Variants in TOMM40 observed in about 807,000 individuals in gnomAD.
TOMM40 encodes mitochondrial import receptor subunit TOM40 homolog.
Under a neutral mutation model 38.4 loss-of-function variants are expected in TOMM40, and 9 were observed. That is an observed-to-expected ratio of 0.23 (90% CI 0.14 to 0.41). The LOEUF (loss-of-function observed/expected upper bound fraction) is 0.41. Among genes scored for constraint, TOMM40 ranks in the 10% least tolerant of loss-of-function variants. The pLI is 1.00. For synonymous variants in TOMM40, 184 were observed against 210.0 expected, an observed-to-expected ratio of 0.88 and a Z score of 1.07; for missense variants, 299 against 486.5, an observed-to-expected ratio of 0.61 and a Z score of 3.63.
At chr19:44,899,475 A>G (rs1054961312) in intron 5 of TOMM40, among the ~76,000 whole-genome samples, 1 of 152,094 alleles carries the variant, frequency 6.6e-6, no homozygotes, top group African/African-American at 2.4e-5. Flanking sequence ...CTGGGACTAC[A>G]GGTGTGCACC....
At chr19:44,900,689 C>T (rs1389446899) in intron 5 of TOMM40, 41 bp from the exon 6 acceptor site, 3 of 1,611,482 alleles carry the variant, frequency 1.9e-6, no homozygotes, top group Admixed American at 1.7e-5. Flanking sequence ...TCTAGCCTGG[C>T]ACTCAGGGTG....
rs142332544 is a variant in TOMM40 at position 44,892,433 on chromosome 19, C to T, written c.315C>T (p.Val105=). 1.2e-6 allele frequency: 2 copies of T among 1,613,154 alleles called. No homozygotes were observed. The highest frequency in any genetic ancestry group is 2.7e-5 in the African/African-American group (2 of 74,994). ...AGATGGAGGGTGTCAAGCTCACAGTCAACAAAGGGTTGAGTAACCATTTTC... is the reference window on the plus strand; with the variant it reads ...AGATGGAGGGTGTCAAGCTCACAGTTAACAAAGGGTTGAGTAACCATTTTC... The part of the protein sequence containing the change: ...PIQMEGVKLT[V]NKGLSNHFQV... The change falls in exon 2 of 9, where the codon GTC becomes GTT. Residue 105 remains valine, a synonymous_variant. Coordinates refer to ENST00000426677, the MANE Select transcript of TOMM40 (RefSeq NM_001128917.2).
At chr19:44,902,940 C>T (rs979898357) in intron 8 of TOMM40, 90 bp from the exon 9 acceptor site, 17 of 1,513,114 alleles carry the variant, frequency 1.1e-5, no homozygotes, top group South Asian at 3.9e-5. Context: ...TGGAAGCTGT[C>T]GGCATGTGGC....
rs1039851776 is a variant in TOMM40, at chr19:44,891,380, A to G, written c.-36A>G. Reference sequence around the variant, plus strand: ...CTGAGTCGGGGGCGCGCGGGCCCTGACCTCTGCCCTCTGACCTCTCCCCTA... The same window carrying G: ...CTGAGTCGGGGGCGCGCGGGCCCTGGCCTCTGCCCTCTGACCTCTCCCCTA... On this transcript the variant is annotated 5_prime_UTR_variant, in exon 1 of 9. Coordinates refer to ENST00000426677, the MANE Select transcript of TOMM40 (RefSeq NM_001128917.2). The G allele has an allele frequency of 8.0e-7, 1 of 1,247,040 alleles. No individual in the cohort carries two copies. Among genetic ancestry groups the G allele is most frequent in the South Asian group, 3.4e-5 (1 of 29,788 alleles). 77.2% of individuals were successfully genotyped at this position (1,247,040 alleles called of 1,614,324 possible).
Position 44,892,279 on chromosome 19 carries a change from C to G in TOMM40, c.275-114C>G, listed in dbSNP as rs540045330. On this transcript the variant is annotated intron_variant, in intron 1 of 8. Coordinates refer to ENST00000426677, the MANE Select transcript of TOMM40 (RefSeq NM_001128917.2). ...GTACTGCCTCTTTACAGGTGGAATCCTTTGTGAGATGTTCTGCTGTGGGTC... is the reference window on the plus strand; with the variant it reads ...GTACTGCCTCTTTACAGGTGGAATCGTTTGTGAGATGTTCTGCTGTGGGTC... 3.8e-4 allele frequency: 394 copies of G among 1,037,898 alleles called. No individual in the cohort carries two copies. The African/African-American group carries it at 4.1e-3, about 11-fold the overall frequency. 64.3% of individuals were successfully genotyped at this position (1,037,898 alleles called of 1,614,324 possible).
chr19:44,898,224 C>T (rs1021586875), intron 5 of TOMM40, among the ~76,000 whole-genome samples: 1 of 152,188 alleles, frequency 6.6e-6, no homozygotes, highest in Non-Finnish European at 1.5e-5. Context: ...GAGCTGGCTC[C>T]AGGCTGGCTC....
chr19:44,891,342 G>A lies in TOMM40; in HGVS notation c.-74G>A. 8.2e-7 allele frequency: 1 copy of A among 1,219,614 alleles called. No homozygotes were observed. The highest frequency in any genetic ancestry group is 3.9e-5 in the South Asian group (1 of 25,402). 75.5% of individuals were successfully genotyped at this position (1,219,614 alleles called of 1,614,324 possible). ...GAGAACCGGGGCCGGAGCCGGGTGC[G>A]GATTTGCTGGGGCTGAGTCGGGGGC... On this transcript the variant is annotated 5_prime_UTR_variant, in exon 1 of 9. Coordinates refer to ENST00000426677, the MANE Select transcript of TOMM40 (RefSeq NM_001128917.2).
chr19:44,892,329 G>A (rs1415925727), intron 1 of TOMM40, 64 bp from the exon 2 acceptor site: 16 of 1,498,404 alleles, frequency 1.1e-5, no homozygotes, highest in Non-Finnish European at 1.4e-5. Context: ...GGGGTGGTAG[G>A]GAAGGAAGAG....
chr19:44,894,708 G>A (rs115676124), intron 5 of TOMM40, among the ~76,000 whole-genome samples: 2,270 of 152,314 alleles, frequency 0.015, 53 homozygotes, highest in African/African-American at 0.05. Context: ...GATGACAGGC[G>A]TGAGCCACCT....
chr19:44,900,562 C>T (rs1253862848), intron 5 of TOMM40, among the ~76,000 whole-genome samples, 168 bp from the exon 6 acceptor site: 2 of 152,156 alleles, frequency 1.3e-5, no homozygotes, highest in Non-Finnish European at 2.9e-5. Context: ...GGACGCTGAC[C>T]TCAGCGGTAG....
Position 44,901,308 on chromosome 19 carries a change from A to C in TOMM40, c.944A>C (p.Lys315Thr). The C allele has an allele frequency of 6.2e-7, 1 of 1,613,686 alleles. No individual in the cohort carries two copies. The highest frequency in any genetic ancestry group is 8.5e-7 in the Non-Finnish European group (1 of 1,179,854). Reference sequence around the variant, plus strand: ...CTGCCCAAGGCCAACCTCCTCTTCAAAGGTAAAGGTCTCGGTTCCCCTACG... The same window carrying C: ...CTGCCCAAGGCCAACCTCCTCTTCACAGGTAAAGGTCTCGGTTCCCCTACG... Reference protein sequence around the residue: ...LDLPKANLLFKGSVDSNWIVG... With the variant: ...LDLPKANLLFTGSVDSNWIVG... The change falls in exon 8 of 9, where the codon AAA becomes ACA. Residue 315 changes from lysine to threonine, a missense_variant and splice_region_variant. Physicochemically the swap from Lys to Thr is moderately conservative, Grantham distance 78. Coordinates refer to ENST00000426677, the MANE Select transcript of TOMM40 (RefSeq NM_001128917.2).
At chr19:44,898,181 G>C (rs1376356785) in intron 5 of TOMM40, among the ~76,000 whole-genome samples, 2 of 152,170 alleles carry the variant, frequency 1.3e-5, no homozygotes, top group African/African-American at 4.8e-5. Context: ...CATGCCTGCA[G>C]GTATGAAAGG....
In TOMM40 at chr19:44,891,367, C is replaced by T. The variant is rs1171151403; in HGVS notation, c.-49C>T. ...GGATTTGCTGGGGCTGAGTCGGGGG[C>T]GCGCGGGCCCTGACCTCTGCCCTCT... On this transcript the variant is annotated 5_prime_UTR_variant, in exon 1 of 9. Transcript: ENST00000426677. 3 of 1,231,798 alleles carry T rather than the reference C, an allele frequency of 2.4e-6. No homozygotes were observed. Among genetic ancestry groups the T allele is most frequent in the Non-Finnish European group, 3.0e-6 (3 of 986,046 alleles). 76.3% of individuals were successfully genotyped at this position (1,231,798 alleles called of 1,614,324 possible).
At chr19:44,901,588 A>C in intron 8 of TOMM40, 1 of 751,980 alleles carries the variant, frequency 1.3e-6, no homozygotes, top group Non-Finnish European at 2.0e-6. Flanking sequence ...TACAAAAACA[A>C]AATTAGCCGG....
chr19:44,892,265 T>A, intron 1 of TOMM40, 128 bp from the exon 2 acceptor site: 2 of 932,414 alleles, frequency 2.1e-6, no homozygotes, highest in Non-Finnish European at 3.5e-6. Context: ...TACTGCCTCT[T>A]TACAGGTGGA....
At chr19:44,896,835 G>A (rs770222079) in intron 5 of TOMM40, among the ~76,000 whole-genome samples, 14 of 152,128 alleles carry the variant, frequency 9.2e-5, no homozygotes, top group African/African-American at 2.9e-4. Flanking sequence ...TGGGCGGATC[G>A]CTTGAGATCG....
chr19:44,900,834 C>G lies in TOMM40; in HGVS notation c.748C>G (p.Leu250Val), dbSNP rs1430376201. ...TGGAGAGGAGGGCACTGTCATGTCT[C>G]TAGCTGGGAAATACACATGTGAGCC... ...RPGEEGTVMSLAGKYTLNNWL... is the reference protein window; with the variant it reads ...RPGEEGTVMSVAGKYTLNNWL... The change falls in exon 6 of 9, where the codon CTA becomes GTA. Residue 250 changes from leucine (L) to valine (V), a missense_variant. Physicochemically the swap from Leu to Val is conservative, Grantham distance 32 (BLOSUM62 1). Transcript: ENST00000426677. 1 of 1,613,990 alleles carries G rather than the reference C, an allele frequency of 6.2e-7. No individual in the cohort carries two copies. Among genetic ancestry groups the G allele is most frequent in the Non-Finnish European group, 8.5e-7 (1 of 1,180,022 alleles).
chr19:44,900,369 G>A (rs1969656119), intron 5 of TOMM40, among the ~76,000 whole-genome samples: 1 of 152,180 alleles, frequency 6.6e-6, no homozygotes, highest in Non-Finnish European at 1.5e-5. Flanking sequence ...CCTGGGTTTG[G>A]GAGGTGTGGA....
At chr19:44,898,110 C>T (rs1969602141) in intron 5 of TOMM40, among the ~76,000 whole-genome samples, 1 of 152,112 alleles carries the variant, frequency 6.6e-6, no homozygotes, top group Admixed American at 6.5e-5. Context: ...CTCTCACACC[C>T]ACCAGGCTCA....
Sources: gnomAD v4.1 joint callset for allele counts (sites outside exome capture counted in the v4.1 genomes callset) on GRCh38, gnomAD v4.1.1 for gene constraint, MANE v1.5 for transcripts, NCBI Gene and HGNC (gene_info 2026-07-23, HGNC 2026-07-21) for gene names.